Variants in KCNQ5 observed in about 807,000 individuals in gnomAD.
KCNQ5 encodes potassium voltage-gated channel subfamily KQT member 5.
KCNQ5 carries 30 observed loss-of-function variants against 98.2 expected under a neutral mutation model. The ratio of observed to expected loss-of-function variants is 0.31; its 90% CI spans 0.23 to 0.41. The LOEUF is 0.41. Ranked by LOEUF, KCNQ5 falls within the 10% of genes least tolerant of loss-of-function variation. KCNQ5 has a pLI of 1.00. For missense variants in KCNQ5, 835 were observed against 1,182.5 expected, an observed-to-expected ratio of 0.71 and a Z score of 4.31; for synonymous variants, 458 against 449.4, an observed-to-expected ratio of 1.02 and a Z score of -0.24.
At chr6:72,670,507 C>T (rs1767047830) in intron 1 of KCNQ5, among the ~76,000 whole-genome samples, 1 of 152,038 alleles carries the variant, frequency 6.6e-6, no homozygotes, top group Non-Finnish European at 1.5e-5. Context: ...ACAGCTTTAC[C>T]CCACTTCTTA....
At chr6:73,125,520 A>C (rs1226173778) in intron 9 of KCNQ5, 1 of 516,484 alleles carries the variant, frequency 1.9e-6, no homozygotes, top group African/African-American at 1.9e-5. Flanking sequence ...ACCTACCCAG[A>C]GTTGGTCCCT....
At chr6:73,022,986 A>G (rs1433229137) in intron 2 of KCNQ5, among the ~76,000 whole-genome samples, 1 of 152,224 alleles carries the variant, frequency 6.6e-6, no homozygotes, top group Non-Finnish European at 1.5e-5. Flanking sequence ...AAGTAGCACA[A>G]TGACCTGATC....
rs374787012 is a variant in KCNQ5, at chr6:73,041,280, G to A, written c.490-656G>A. Among the ~76,000 whole-genome samples, 46 of 152,258 alleles carry A rather than the reference G, an allele frequency of 3.0e-4. No homozygotes were observed. In the East Asian group the frequency reaches 6.9e-3, roughly 23 times the overall value. ...AATCTCAGTCATTTTCCTGGAGCAG[G>A]TGTTGTTTTCTAGGCAGCTCTTGCC... On this transcript the variant is annotated intron_variant, in intron 2 of 13. Transcript: ENST00000370398.
chr6:72,748,940 A>G (rs1408349965), intron 1 of KCNQ5, among the ~76,000 whole-genome samples: 1 of 152,136 alleles, frequency 6.6e-6, no homozygotes, highest in African/African-American at 2.4e-5. Context: ...GAAAAAGTAA[A>G]GGCTCTAGAA....
chr6:72,693,243 G>A (rs1429574839), intron 1 of KCNQ5, among the ~76,000 whole-genome samples: 1 of 152,050 alleles, frequency 6.6e-6, no homozygotes, highest in East Asian at 1.9e-4. Flanking sequence ...GAGGAGAAAC[G>A]TGCACACGAG....
intron 1 of KCNQ5, among the ~76,000 whole-genome samples, chr6:72,837,158 A>G (rs1268377536): frequency 1.3e-5 from 2 of 152,336 alleles, no homozygotes; most frequent in East Asian, 3.8e-4. Context: ...AAATTACGTC[A>G]TTATTCATTT....
chr6:73,097,619 G>A (rs1039812454), intron 5 of KCNQ5, among the ~76,000 whole-genome samples: 1 of 152,116 alleles, frequency 6.6e-6, no homozygotes, highest in Non-Finnish European at 1.5e-5. Context: ...TGGCCACAAG[G>A]CTGCTTGTGT....
chr6:72,914,369 G>A (rs1430071474), intron 1 of KCNQ5, among the ~76,000 whole-genome samples: 1 of 151,772 alleles, frequency 6.6e-6, no homozygotes, highest in Non-Finnish European at 1.5e-5. Flanking sequence ...CTTGGTGAAG[G>A]AAGATGATTT....
intron 1 of KCNQ5, among the ~76,000 whole-genome samples, chr6:72,673,920 TA>T (rs1486021640): frequency 6.6e-6 from 1 of 152,218 alleles, no homozygotes; most frequent in Non-Finnish European, 1.5e-5. Context: ...GTTCTCAAAC[TA>T]GAAGTTCTCC....
intron 1 of KCNQ5, among the ~76,000 whole-genome samples, chr6:72,890,923 C>T (rs1046219714): frequency 1.3e-5 from 2 of 152,184 alleles, no homozygotes; most frequent in Non-Finnish European, 2.9e-5. Flanking sequence ...ATCTGCAAAA[C>T]TCCTAAATCA....
chr6:73,071,463 T>C (rs1201655941), intron 3 of KCNQ5, among the ~76,000 whole-genome samples: 3 of 152,186 alleles, frequency 2.0e-5, no homozygotes, highest in Non-Finnish European at 4.4e-5. Context: ...TTAGTCTATT[T>C]GTTTTATAAT....
intron 3 of KCNQ5, among the ~76,000 whole-genome samples, chr6:73,059,388 C>T (rs768352516): frequency 6.6e-6 from 1 of 152,082 alleles, no homozygotes; most frequent in Admixed American, 6.5e-5. Flanking sequence ...AACAAGAGAA[C>T]AACAGACGCG....
At chr6:72,744,807 C>G (rs1325430724) in intron 1 of KCNQ5, among the ~76,000 whole-genome samples, 4 of 147,872 alleles carry the variant, frequency 2.7e-5, no homozygotes, top group African/African-American at 1.0e-4. Context: ...GAGACTCCGT[C>G]TAAAAAAAAA....
intron 1 of KCNQ5, among the ~76,000 whole-genome samples, chr6:72,847,265 A>G (rs1398345742): frequency 6.6e-6 from 1 of 152,190 alleles, no homozygotes; most frequent in African/African-American, 2.4e-5. Flanking sequence ...TGTGGGTTCA[A>G]GCAATTCTCC....
intron 3 of KCNQ5, among the ~76,000 whole-genome samples, chr6:73,066,070 C>T (rs1032793612): frequency 8.5e-5 from 13 of 152,116 alleles, no homozygotes; most frequent in African/African-American, 1.2e-4. Context: ...CGCTTGAACC[C>T]GAGAGGCGGA....
chr6:72,826,054 T>C (rs1359425504), intron 1 of KCNQ5, among the ~76,000 whole-genome samples: 2 of 152,098 alleles, frequency 1.3e-5, no homozygotes, highest in African/African-American at 4.8e-5. Context: ...GGGCCCTTTT[T>C]CCACCATTTC....
intron 3 of KCNQ5, among the ~76,000 whole-genome samples, chr6:73,064,191 T>C (rs1161075164): frequency 1.3e-5 from 2 of 152,208 alleles, no homozygotes; most frequent in East Asian, 1.9e-4. Context: ...TAGGTGATGA[T>C]TAATCATAAT....
chr6:72,763,726 G>A (rs113044236), intron 1 of KCNQ5, among the ~76,000 whole-genome samples: 4,296 of 152,022 alleles, frequency 0.028, 72 homozygotes, highest in Non-Finnish European at 0.042. Flanking sequence ...GGTTTGGCAA[G>A]TAAGGAAAGG....
chr6:72,849,811 ACT>A (rs1228032675), intron 1 of KCNQ5, among the ~76,000 whole-genome samples: 26 of 151,786 alleles, frequency 1.7e-4, no homozygotes, highest in Admixed American at 1.6e-3. Context: ...TCGGGTCTTG[ACT>A]CTCTACTCAT....
Sources: gnomAD v4.1 joint callset for allele counts (sites outside exome capture counted in the v4.1 genomes callset) on GRCh38, gnomAD v4.1.1 for gene constraint, MANE v1.5 for transcripts, NCBI Gene and HGNC (gene_info 2026-07-23, HGNC 2026-07-21) for gene names.